The following PVT1 variants were observed in gnomAD, a reference collection of about 807,000 sequenced individuals.
PVT1 encodes the protein CXCR4/PVT1 fusion.
chr8:127,913,650 C>T (rs1302684910), intron 3 of PVT1, among the ~76,000 whole-genome samples: 2 of 152,136 alleles, frequency 1.3e-5, no homozygotes, highest in African/African-American at 4.8e-5. Context: ...TGCTCAGCCT[C>T]TCCCCGACTG....
At chr8:128,073,867 T>C (rs956297616) in intron 5 of PVT1, among the ~76,000 whole-genome samples, 3 of 151,718 alleles carry the variant, frequency 2.0e-5, no homozygotes, top group Non-Finnish European at 2.9e-5. Flanking sequence ...TAGGCACAGC[T>C]GATAAGTAGC....
intron 3 of PVT1, among the ~76,000 whole-genome samples, chr8:127,965,845 A>G (rs1159416111): frequency 6.6e-6 from 1 of 152,168 alleles, no homozygotes; most frequent in African/African-American, 2.4e-5. Context: ...TGAAGCTCTG[A>G]AGAGCTTCCA....
intron 4 of PVT1, among the ~76,000 whole-genome samples, chr8:128,060,422 GT>G (rs1397467949): frequency 6.6e-6 from 1 of 152,154 alleles, no homozygotes; most frequent in Non-Finnish European, 1.5e-5. Flanking sequence ...TCATAGCAAT[GT>G]CAGGACTAAA....
At chr8:128,013,228 A>G (rs1452508746) in intron 4 of PVT1, among the ~76,000 whole-genome samples, 1 of 152,122 alleles carries the variant, frequency 6.6e-6, no homozygotes, top group African/African-American at 2.4e-5. Context: ...GGGGATAATA[A>G]TACTAGTTTC....
At chr8:127,890,424 G>GCCT (rs1361056425) in intron 2 of PVT1, among the ~76,000 whole-genome samples, 1 of 152,214 alleles carries the variant, frequency 6.6e-6, no homozygotes, top group Admixed American at 6.5e-5. Context: ...TCACCTGAAG[G>GCCT]CCTCCCTGGA....
chr8:127,922,292 A>C, intron 3 of PVT1, among the ~76,000 whole-genome samples: 1 of 107,672 alleles, frequency 9.3e-6, no homozygotes, highest in African/African-American at 3.7e-5. Context: ...CCCCCCACCA[A>C]GGAGGGCTAG....
chr8:127,906,960 T>TG (rs1425557806), intron 3 of PVT1, among the ~76,000 whole-genome samples: 1 of 151,058 alleles, frequency 6.6e-6, no homozygotes, highest in East Asian at 1.9e-4. Context: ...TCTCTTTTTT[T>TG]TTTTTTTTTT....
intron 2 of PVT1, among the ~76,000 whole-genome samples, chr8:127,797,121 G>T (rs10098831): frequency 0.35 from 53,711 of 151,706 alleles, 11,030 homozygotes; most frequent in Non-Finnish European, 0.46. Flanking sequence ...CAGGTGATCC[G>T]CCCGCCTTGG....
At chr8:127,923,292 A>G (rs527634801) in intron 3 of PVT1, among the ~76,000 whole-genome samples, 1 of 152,372 alleles carries the variant, frequency 6.6e-6, no homozygotes, top group African/African-American at 2.4e-5. Flanking sequence ...CAGACGGGCC[A>G]TTCATTTGTG....
At chr8:127,802,626 T>C (rs893771082) in intron 2 of PVT1, among the ~76,000 whole-genome samples, 2 of 152,268 alleles carry the variant, frequency 1.3e-5, no homozygotes, top group Non-Finnish European at 2.9e-5. Context: ...TTTCTAACTT[T>C]ATGGCTACTA....
chr8:127,865,310 G>A (rs1815275062), intron 2 of PVT1, among the ~76,000 whole-genome samples: 2 of 152,164 alleles, frequency 1.3e-5, no homozygotes, highest in Admixed American at 1.3e-4. Context: ...GGATAAACCT[G>A]GGTGTGGCAG....
At chr8:128,051,940 G>A (rs1813703134) in intron 4 of PVT1, among the ~76,000 whole-genome samples, 1 of 152,088 alleles carries the variant, frequency 6.6e-6, no homozygotes, top group Non-Finnish European at 1.5e-5. Flanking sequence ...ATTTCTTTAG[G>A]ATTGGTTACT....
intron 2 of PVT1, among the ~76,000 whole-genome samples, chr8:127,856,268 G>A (rs1443950975): frequency 6.6e-6 from 1 of 152,110 alleles, no homozygotes. Flanking sequence ...AGGTGGTTGG[G>A]TGTCCTGGGA....
chr8:127,935,997 G>A (rs903554768), intron 3 of PVT1, among the ~76,000 whole-genome samples: 1 of 149,874 alleles, frequency 6.7e-6, no homozygotes, highest in African/African-American at 2.5e-5. Flanking sequence ...TGGTCTTGAG[G>A]TAAGAGTTGG....
At chr8:128,023,496 T>C (rs1817461224) in intron 4 of PVT1, among the ~76,000 whole-genome samples, 2 of 152,222 alleles carry the variant, frequency 1.3e-5, no homozygotes, top group South Asian at 2.1e-4. Context: ...GTAATAACTA[T>C]TACTATTACA....
chr8:127,794,929 G>A (rs1422669852), intron 1 of PVT1, among the ~76,000 whole-genome samples: 1 of 151,984 alleles, frequency 6.6e-6, no homozygotes, highest in Non-Finnish European at 1.5e-5. Flanking sequence ...GAGGGGAGGG[G>A]GATGACACCG....
intron 3 of PVT1, among the ~76,000 whole-genome samples, chr8:127,981,030 C>T (rs1816877542): frequency 6.6e-6 from 1 of 152,136 alleles, no homozygotes; most frequent in African/African-American, 2.4e-5. Context: ...CTTCAGACCT[C>T]AAGAGATCCA....
intron 2 of PVT1, among the ~76,000 whole-genome samples, chr8:127,871,183 T>C (rs532770748): frequency 2.2e-4 from 34 of 152,262 alleles, no homozygotes; most frequent in Admixed American, 1.6e-3. Flanking sequence ...TGTGTGCCTC[T>C]CCAGGGAGCA....
chr8:127,961,647 C>T (rs1816643981), intron 3 of PVT1, among the ~76,000 whole-genome samples: 1 of 152,200 alleles, frequency 6.6e-6, no homozygotes, highest in African/African-American at 2.4e-5. Flanking sequence ...ATAACCTTGT[C>T]CGTACCACTG....
Sources: allele counts gnomAD v4.1 joint callset (sites outside exome capture counted in the v4.1 genomes callset), GRCh38; gene constraint gnomAD v4.1.1; transcripts MANE v1.5; gene names NCBI Gene and HGNC (gene_info 2026-07-23, HGNC 2026-07-21).